Variants in DOCK3 observed in about 807,000 individuals in gnomAD.
DOCK3 encodes dedicator of cytokinesis protein 3.
Under a neutral mutation model 265.6 loss-of-function variants are expected in DOCK3, and 60 were observed. That is an observed-to-expected ratio of 0.23 (90% CI 0.18 to 0.28). DOCK3 has a LOEUF of 0.28. Among genes scored for constraint, DOCK3 ranks in the 10% least tolerant of loss-of-function variants. The pLI is 1.00. For synonymous variants in DOCK3, 881 were observed against 938.0 expected, an observed-to-expected ratio of 0.94 and a Z score of 1.11; for missense variants, 1,981 against 2,594.3, an observed-to-expected ratio of 0.76 and a Z score of 5.14.
At chr3:51,067,806 CT>C (rs1169852247) in intron 6 of DOCK3, among the ~76,000 whole-genome samples, 2 of 152,304 alleles carry the variant, frequency 1.3e-5, no homozygotes, top group African/African-American at 4.8e-5. Flanking sequence ...TCTTTTAAAA[CT>C]TTTCTTCCTA....
At chr3:51,263,251 G>C (rs1255235663) in intron 23 of DOCK3, among the ~76,000 whole-genome samples, 1 of 152,204 alleles carries the variant, frequency 6.6e-6, no homozygotes, top group Non-Finnish European at 1.5e-5. Flanking sequence ...CCAGAAGAGA[G>C]TGGGGGCCAA....
At chr3:51,162,669 G>A (rs950598505) in intron 12 of DOCK3, among the ~76,000 whole-genome samples, 1 of 152,042 alleles carries the variant, frequency 6.6e-6, no homozygotes, top group East Asian at 1.9e-4. Context: ...TCCTTGTTTT[G>A]GTGCAAATTT....
chr3:51,124,530 A>G (rs1472486619), intron 9 of DOCK3, among the ~76,000 whole-genome samples: 1 of 152,198 alleles, frequency 6.6e-6, no homozygotes, highest in African/African-American at 2.4e-5. Flanking sequence ...GGCAGAAAGG[A>G]TAGACTGAGT....
At chr3:51,254,031 G>T (rs1176785045) in intron 22 of DOCK3, among the ~76,000 whole-genome samples, 1 of 152,162 alleles carries the variant, frequency 6.6e-6, no homozygotes, top group Non-Finnish European at 1.5e-5. Flanking sequence ...TCTGCACACT[G>T]CTTTAAATGT....
intron 14 of DOCK3, among the ~76,000 whole-genome samples, chr3:51,216,249 A>G (rs534246536): frequency 3.5e-4 from 54 of 152,212 alleles, no homozygotes; most frequent in Non-Finnish European, 7.3e-4. Flanking sequence ...GCAAAATTTG[A>G]TTTTAAGTTA....
intron 9 of DOCK3, among the ~76,000 whole-genome samples, chr3:51,093,318 G>A (rs1017763837): frequency 1.3e-5 from 2 of 152,138 alleles, no homozygotes; most frequent in Non-Finnish European, 2.9e-5. Flanking sequence ...TGAGCAAATG[G>A]AATGTTTTTC....
intron 49 of DOCK3, among the ~76,000 whole-genome samples, chr3:51,373,383 G>C (rs181307615): frequency 2.0e-5 from 3 of 152,210 alleles, no homozygotes; most frequent in Admixed American, 2.0e-4. Context: ...AACCAATAGA[G>C]CCAGGCAGAG....
intron 5 of DOCK3, among the ~76,000 whole-genome samples, chr3:51,011,541 G>A (rs2078950594): frequency 6.6e-6 from 1 of 152,076 alleles, no homozygotes; most frequent in African/African-American, 2.4e-5. Context: ...TTTTTTCAAG[G>A]TTTTTAGCTT....
At position 50,977,045 on chromosome 3, in the gene DOCK3, G is replaced by A. The variant is rs1468590081; in HGVS notation, c.315+42968G>A. Among the ~76,000 whole-genome samples, 30 of 149,676 alleles carry A rather than the reference G, an allele frequency of 2.0e-4. No individual in the cohort carries two copies. In the Admixed American group the frequency reaches 2.0e-3, roughly 10 times the overall value. On this transcript the variant is annotated intron_variant, in intron 5 of 52. Transcript: ENST00000266037. ...TTTGAGCCTATGTGTGTCTCTGCAT[G>A]TGAGATGGGTTTCCTGAATACAGCA...
intron 27 of DOCK3, among the ~76,000 whole-genome samples, chr3:51,304,450 C>T (rs1950334661): frequency 6.6e-6 from 1 of 152,158 alleles, no homozygotes; most frequent in Non-Finnish European, 1.5e-5. Context: ...CCTCCCCCTC[C>T]TCCCCTGCTC....
At chr3:51,055,641 A>G (rs2081170834) in intron 5 of DOCK3, among the ~76,000 whole-genome samples, 1 of 152,138 alleles carries the variant, frequency 6.6e-6, no homozygotes, top group Non-Finnish European at 1.5e-5. Flanking sequence ...TTTACTGCCC[A>G]CTGTTAGGTA....
chr3:51,198,178 C>G (rs2088442542), intron 12 of DOCK3, among the ~76,000 whole-genome samples: 1 of 152,242 alleles, frequency 6.6e-6, no homozygotes, highest in South Asian at 2.1e-4. Context: ...TCAGACACTT[C>G]AGGGATGAGA....
intron 2 of DOCK3, among the ~76,000 whole-genome samples, chr3:50,806,685 A>T (rs1169919077): frequency 6.6e-6 from 1 of 151,974 alleles, no homozygotes; most frequent in Admixed American, 6.6e-5. Context: ...ATCTGGGGTT[A>T]TGGCATTTAG....
intron 2 of DOCK3, among the ~76,000 whole-genome samples, chr3:50,784,533 C>T (rs532835916): frequency 8.0e-4 from 121 of 152,114 alleles, no homozygotes; most frequent in African/African-American, 2.8e-3. Flanking sequence ...TTTGTTTTTT[C>T]TAGTTCTGTG....
At chr3:51,294,160 T>C (rs1054307234) in intron 27 of DOCK3, among the ~76,000 whole-genome samples, 8 of 152,340 alleles carry the variant, frequency 5.3e-5, no homozygotes, top group South Asian at 2.1e-4. Flanking sequence ...TGCAGTGTTA[T>C]TCACAATAGC....
At chr3:51,260,718 A>G (rs1011453417) in intron 23 of DOCK3, among the ~76,000 whole-genome samples, 1 of 152,200 alleles carries the variant, frequency 6.6e-6, no homozygotes, top group Non-Finnish European at 1.5e-5. Context: ...ACAGTGGCTC[A>G]CACCTGTAAT....
intron 5 of DOCK3, among the ~76,000 whole-genome samples, chr3:51,029,781 G>T (rs555003332): frequency 6.6e-6 from 1 of 152,316 alleles, no homozygotes; most frequent in African/African-American, 2.4e-5. Flanking sequence ...GTCTAAGGGT[G>T]CAGTGGCTCA....
intron 14 of DOCK3, among the ~76,000 whole-genome samples, chr3:51,224,011 G>T (rs942975436): frequency 4.6e-5 from 7 of 152,174 alleles, no homozygotes; most frequent in African/African-American, 1.7e-4. Flanking sequence ...CAAAGCAGAG[G>T]CACTTCCCAA....
chr3:51,055,494 G>A (rs2081162961), intron 5 of DOCK3, among the ~76,000 whole-genome samples: 1 of 152,184 alleles, frequency 6.6e-6, no homozygotes, highest in Admixed American at 6.5e-5. Flanking sequence ...AGTTGTGCAT[G>A]GGAAGGATTG....
Sources: allele counts gnomAD v4.1 joint callset (sites outside exome capture counted in the v4.1 genomes callset), GRCh38; gene constraint gnomAD v4.1.1; transcripts MANE v1.5; gene names NCBI Gene and HGNC (gene_info 2026-07-23, HGNC 2026-07-21).